The following PDAP1 variants were observed in gnomAD, a reference collection of about 807,000 sequenced individuals.
The protein encoded by PDAP1 is 28 kDa heat- and acid-stable phosphoprotein.
A neutral mutation model predicts 28.0 loss-of-function variants in PDAP1; 13 were observed. That is an observed-to-expected ratio of 0.46 (90% CI 0.30 to 0.74). The LOEUF is 0.74. Among genes scored for constraint, PDAP1 ranks in the 30% least tolerant of loss-of-function variants. PDAP1 has a pLI of 0.07. For synonymous variants in PDAP1, 77 were observed against 85.1 expected, an observed-to-expected ratio of 0.91 and a Z score of 0.52; for missense variants, 150 against 230.0, an observed-to-expected ratio of 0.65 and a Z score of 2.25.
chr7:99,406,264 C>T (rs531361844), intron 1 of PDAP1, among the ~76,000 whole-genome samples: 5 of 152,062 alleles, frequency 3.3e-5, no homozygotes, highest in African/African-American at 7.2e-5. Context: ...ATAAAAAAAT[C>T]GCTGTTCGTT....
At chr7:99,397,274 A>T (rs1346377782) in intron 5 of PDAP1, among the ~76,000 whole-genome samples, 1 of 152,044 alleles carries the variant, frequency 6.6e-6, no homozygotes, top group Non-Finnish European at 1.5e-5. Context: ...AGGGGCTCTC[A>T]CAGACCCCCG....
At chr7:99,407,555 T>C (rs1374794916) in intron 1 of PDAP1, among the ~76,000 whole-genome samples, 1 of 152,220 alleles carries the variant, frequency 6.6e-6, no homozygotes, top group East Asian at 1.9e-4. Flanking sequence ...TTAACCAATA[T>C]AACACATGAG....
chr7:99,407,463 G>GT (rs1313701379), intron 1 of PDAP1, among the ~76,000 whole-genome samples: 5 of 152,216 alleles, frequency 3.3e-5, no homozygotes, highest in Middle Eastern at 3.2e-3. Context: ...ATTTAGCTCT[G>GT]TAATGCCCAA....
chr7:99,398,028 T>C lies in PDAP1; in HGVS notation c.336-15A>G. 1 of 1,613,908 alleles carries C rather than the reference T, an allele frequency of 6.2e-7. No individual in the cohort carries two copies. Among genetic ancestry groups the C allele is most frequent in the South Asian group, 1.1e-5 (1 of 91,088 alleles). Reference sequence around the variant, plus strand: ...CAATCTCTTCTCTGTGTGGATAAAATGGTGTCATGGGGACATCTTTCCTAC... The same window carrying C: ...CAATCTCTTCTCTGTGTGGATAAAACGGTGTCATGGGGACATCTTTCCTAC... On this transcript the variant is annotated splice_polypyrimidine_tract_variant and intron_variant, in intron 4 of 5. Transcript: ENST00000350498.
In PDAP1 at chr7:99,394,700, A is replaced by G. The variant is rs867165095; in HGVS notation, c.*1982T>C. On this transcript the variant is annotated 3_prime_UTR_variant, in exon 6 of 6. Transcript: ENST00000350498. ...TTTCTTAAATGCTTTCATTTATTGA[A>G]AAAAAAAAAAAATGCCCCCAAAGCA... 256 of 887,756 alleles carry G rather than the reference A, an allele frequency of 2.9e-4. No homozygotes were observed. In the Middle Eastern group the frequency reaches 7.5e-3, roughly 26 times the overall value. The allele number at this position is 887,756 out of a possible 1,614,324, so 55.0% of individuals were successfully genotyped here.
At chr7:99,407,805 G>C (rs1476714563) in intron 1 of PDAP1, among the ~76,000 whole-genome samples, 2 of 152,156 alleles carry the variant, frequency 1.3e-5, no homozygotes, top group Non-Finnish European at 2.9e-5. Context: ...GATAGAGGAC[G>C]GGCTACAATG....
At chr7:99,400,452 G>C (rs1470374135) in intron 3 of PDAP1, 28 bp from the exon 4 acceptor site, 2 of 1,613,704 alleles carry the variant, frequency 1.2e-6, no homozygotes, top group East Asian at 4.5e-5. Context: ...GCTGGTTGTT[G>C]GAGTTCAGGT....
chr7:99,408,472 G>A, intron 1 of PDAP1, 64 bp downstream of exon 1: 3 of 1,325,966 alleles, frequency 2.3e-6, no homozygotes, highest in Middle Eastern at 2.2e-4. Flanking sequence ...GGGCTGAGGG[G>A]ACAGCGGAAG....
Position 99,396,503 on chromosome 7 carries a change from T to TGCCCCC in PDAP1, c.*178_*179insGGGGGC. 1 of 330,430 alleles carries TGCCCCC rather than the reference T, an allele frequency of 3.0e-6. No individual in the cohort carries two copies. The allele number at this position is 330,430 out of a possible 1,614,324, so 20.5% of individuals were successfully genotyped here. On this transcript the variant is annotated 3_prime_UTR_variant, in exon 6 of 6. Coordinates refer to ENST00000350498, the MANE Select transcript of PDAP1 (RefSeq NM_014891.7). ...AAGATAGCAGCTACCCCTCCCCCAGTCCCCCCCCCCATCCCCCAAACAATT... is the reference window on the plus strand; with the variant it reads ...AAGATAGCAGCTACCCCTCCCCCAGTGCCCCCCCCCCCCCCCATCCCCCAAACAATT...
chr7:99,398,401 G>A (rs1205149278), intron 4 of PDAP1, among the ~76,000 whole-genome samples: 1 of 152,210 alleles, frequency 6.6e-6, no homozygotes, highest in Non-Finnish European at 1.5e-5. Flanking sequence ...CATCCTACAA[G>A]GAAGGAAGGG....
In PDAP1 at chr7:99,396,327, AC is replaced by A; in HGVS notation, c.*354del. 2.9e-6 allele frequency: 1 copy of A among 350,482 alleles called. No individual in the cohort carries two copies. Among genetic ancestry groups the A allele is most frequent in the Non-Finnish European group, 5.5e-6 (1 of 183,008 alleles). The allele number at this position is 350,482 out of a possible 1,614,324, so 21.7% of individuals were successfully genotyped here. On this transcript the variant is annotated 3_prime_UTR_variant, in exon 6 of 6. Coordinates refer to ENST00000350498, the MANE Select transcript of PDAP1 (RefSeq NM_014891.7). Reference sequence around the variant, plus strand: ...TCAGCAGCTGCCTCCTGGGACAACCACCCCCTTACATGCTATCTATCTACCA... The same window carrying A: ...TCAGCAGCTGCCTCCTGGGACAACCACCCCTTACATGCTATCTATCTACCA...
At chr7:99,407,857 C>T (rs1173377574) in intron 1 of PDAP1, among the ~76,000 whole-genome samples, 4 of 152,196 alleles carry the variant, frequency 2.6e-5, no homozygotes, top group African/African-American at 9.6e-5. Context: ...CAAGAGCTGG[C>T]AAAGCCTTAA....
chr7:99,404,966 G>A lies in PDAP1; in HGVS notation c.14-13C>T, dbSNP rs375245119. The A allele has an allele frequency of 2.2e-4, 361 of 1,605,778 alleles. No individual in the cohort carries two copies. Among genetic ancestry groups the A allele is most frequent in the Non-Finnish European group, 2.8e-4 (332 of 1,173,104 alleles). On this transcript the variant is annotated splice_polypyrimidine_tract_variant and intron_variant, in intron 1 of 5. Transcript: ENST00000350498. Reference sequence around the variant, plus strand: ...CCTCCCTTTCTTCCTGCAGAGACCCGCAGTTTAGGTGAGCGGAAGCAGCTG... The same window carrying A: ...CCTCCCTTTCTTCCTGCAGAGACCCACAGTTTAGGTGAGCGGAAGCAGCTG...
chr7:99,402,810 CG>C (rs1171219994), intron 3 of PDAP1, among the ~76,000 whole-genome samples: 2 of 142,550 alleles, frequency 1.4e-5, no homozygotes, highest in African/African-American at 5.4e-5. Context: ...ACCTGGGAGG[CG>C]GAAGTTGCAG....
intron 3 of PDAP1, among the ~76,000 whole-genome samples, chr7:99,402,320 C>T (rs1274860580): frequency 2.0e-5 from 3 of 151,690 alleles, no homozygotes; most frequent in African/African-American, 7.3e-5. Flanking sequence ...AAAGAAACCC[C>T]ATGCCAGGCA....
rs1794715742 is a variant in PDAP1 at position 99,394,826 on chromosome 7, G to A, written c.*1856C>T. ...AGTAATTATGGACATGCTTGCCTAT[G>A]TGGAAGGAGAGGTTTTTTGTTATTT... On this transcript the variant is annotated 3_prime_UTR_variant, in exon 6 of 6. Transcript: ENST00000350498. 9 of 1,240,566 alleles carry A rather than the reference G, an allele frequency of 7.3e-6. No individual in the cohort carries two copies. Among genetic ancestry groups the A allele is most frequent in the African/African-American group, 1.6e-5 (1 of 62,836 alleles). The allele number at this position is 1,240,566 out of a possible 1,614,324, so 76.8% of individuals were successfully genotyped here.
At chr7:99,400,086 T>C (rs1562823086) in intron 4 of PDAP1, among the ~76,000 whole-genome samples, 3 of 152,272 alleles carry the variant, frequency 2.0e-5, no homozygotes. Flanking sequence ...TCAAGTGTTA[T>C]GCTCAGGTCT....
chr7:99,396,371 C>CT lies in PDAP1; in HGVS notation c.*310dup, dbSNP rs2150902228. The CT allele has an allele frequency of 2.3e-6, 1 of 444,192 alleles. No homozygotes were observed. The highest frequency in any genetic ancestry group is 2.1e-5 in the South Asian group (1 of 47,998). The allele number at this position is 444,192 out of a possible 1,614,324, so 27.5% of individuals were successfully genotyped here. A position where few individuals can be genotyped will look rare whatever the true frequency, so the allele number is the denominator to read the frequency against. Reference sequence around the variant, plus strand: ...ATCTACCAGACAAATGAAAGCTCTTCTTACCCCATCTCCCAGGCACCCCCC... The same window carrying CT: ...ATCTACCAGACAAATGAAAGCTCTTCTTTACCCCATCTCCCAGGCACCCCCC... On this transcript the variant is annotated 3_prime_UTR_variant, in exon 6 of 6. Coordinates refer to ENST00000350498, the MANE Select transcript of PDAP1 (RefSeq NM_014891.7).
At chr7:99,401,536 G>A (rs1794866777) in intron 3 of PDAP1, among the ~76,000 whole-genome samples, 1 of 152,004 alleles carries the variant, frequency 6.6e-6, no homozygotes, top group Admixed American at 6.6e-5. Context: ...TGTTGGTCAG[G>A]CTGGTCTCGA....
Sources: gnomAD v4.1 joint callset for allele counts (sites outside exome capture counted in the v4.1 genomes callset) on GRCh38, gnomAD v4.1.1 for gene constraint, MANE v1.5 for transcripts, NCBI Gene and HGNC (gene_info 2026-07-23, HGNC 2026-07-21) for gene names.